The following SLC22A9 variants were observed in gnomAD, a reference collection of about 807,000 sequenced individuals.
SLC22A9 encodes the protein solute carrier family 22 member 9.
SLC22A9 carries 64 observed loss-of-function variants against 50.1 expected under a neutral mutation model. That is an observed-to-expected ratio of 1.28 (90% CI 1.04 to 1.57). The LOEUF (loss-of-function observed/expected upper bound fraction) is 1.57. Among genes scored for constraint, SLC22A9 ranks in the 40% most tolerant of loss-of-function variants. The pLI, the probability that SLC22A9 is intolerant of heterozygous loss-of-function variation, is 0.00. For synonymous variants in SLC22A9, 261 were observed against 242.5 expected (o/e 1.08, Z -0.71); for missense variants, 757 against 676.1 (o/e 1.12, Z -1.33).
At position 63,382,272 on chromosome 11, in the gene SLC22A9, T is replaced by C; in HGVS notation, c.1068T>C (p.Phe356=). Residue 356 remains phenylalanine, a synonymous_variant, in exon 6 of 10, where the codon TTT becomes TTC. Transcript: ENST00000279178. The stretch of plus-strand genomic sequence containing the variant: ...GTAAAAGGATCTCCCTCCTGTCCTT[T>C]ACGAGGTAAGCTTCATGCAGTGTTT... ...NICKRISLLS[F]TRFANFMAYF... The C allele has an allele frequency of 6.2e-7, 1 of 1,603,728 alleles. No individual in the cohort carries two copies. The highest frequency in any genetic ancestry group is 8.5e-7 in the Non-Finnish European group (1 of 1,176,272).
chr11:63,378,370 T>C (rs1045874188), intron 5 of SLC22A9, among the ~76,000 whole-genome samples: 3 of 152,088 alleles, frequency 2.0e-5, no homozygotes, highest in Non-Finnish European at 4.4e-5. Flanking sequence ...CGAAGGAGCA[T>C]ACCTCAAAAT....
intron 6 of SLC22A9, among the ~76,000 whole-genome samples, chr11:63,391,242 G>A (rs1009318052): frequency 2.0e-5 from 3 of 151,974 alleles, no homozygotes; most frequent in Non-Finnish European, 4.4e-5. Context: ...CTTAACATAT[G>A]GTCTATCCTT....
At chr11:63,379,670 A>T (rs1002700149) in intron 5 of SLC22A9, among the ~76,000 whole-genome samples, 9 of 152,184 alleles carry the variant, frequency 5.9e-5, no homozygotes, top group African/African-American at 1.2e-4. Context: ...TGAACAAATT[A>T]AAAAAGAACA....
intron 6 of SLC22A9, among the ~76,000 whole-genome samples, chr11:63,388,412 T>C (rs2014706128): frequency 6.6e-6 from 1 of 152,092 alleles, no homozygotes; most frequent in African/African-American, 2.4e-5. Context: ...ATATGCTTTT[T>C]CAGCATCAGT....
intron 6 of SLC22A9, among the ~76,000 whole-genome samples, chr11:63,388,285 A>G (rs1374223784): frequency 6.6e-6 from 1 of 151,774 alleles, no homozygotes. Flanking sequence ...TCCATTCTGT[A>G]TGATACCAGC....
chr11:63,392,726 T>A (rs553569959), intron 6 of SLC22A9, among the ~76,000 whole-genome samples: 7 of 152,094 alleles, frequency 4.6e-5, no homozygotes, highest in Non-Finnish European at 8.8e-5. Flanking sequence ...CACTTACTGA[T>A]ATATTGTAGT....
intron 6 of SLC22A9, among the ~76,000 whole-genome samples, chr11:63,393,349 C>T (rs527307517): frequency 1.3e-5 from 2 of 152,244 alleles, no homozygotes; most frequent in South Asian, 4.1e-4. Flanking sequence ...TATCTGGAAA[C>T]TTTGCTGAAT....
intron 6 of SLC22A9, among the ~76,000 whole-genome samples, chr11:63,386,276 G>C (rs1405158279): frequency 6.6e-6 from 1 of 151,804 alleles, no homozygotes; most frequent in African/African-American, 2.4e-5. Context: ...TTCCTGCCAG[G>C]TTTTTATCCC....
chr11:63,370,362 T>C lies in SLC22A9; in HGVS notation c.306T>C (p.Asn102=), dbSNP rs751044701. 3 of 1,613,988 alleles carry C rather than the reference T, an allele frequency of 1.9e-6. No homozygotes were observed. The East Asian group carries it at 6.7e-5, about 36-fold the overall frequency. The change falls in exon 1 of 10, where the codon AAT becomes AAC. Residue 102 remains asparagine, a synonymous_variant. Transcript: ENST00000279178. The part of the protein sequence containing the change: ...VHPQWQLLHL[N]GTFPNTSDAD... ...CTCAGTGGCAGCTCCTTCACCTGAA[T>C]GGGACCTTCCCCAACACAAGTGACG... is the stretch of plus-strand genomic sequence containing the variant.
At position 63,408,105 on chromosome 11, in the gene SLC22A9, T is replaced by C; in HGVS notation, c.1289-7T>C. The C allele has an allele frequency of 6.2e-7, 1 of 1,612,022 alleles. No individual in the cohort carries two copies. The highest frequency in any genetic ancestry group is 8.5e-7 in the Non-Finnish European group (1 of 1,178,512). On this transcript the variant is annotated splice_polypyrimidine_tract_variant and splice_region_variant and intron_variant, in intron 7 of 9. Coordinates refer to ENST00000279178, the MANE Select transcript of SLC22A9 (RefSeq NM_080866.3). ...TTCCTGAGGCCTTGTGTTCTTCCTT[T>C]CTCCAGAAATGCAGACGCTGCGTGA...
chr11:63,397,495 T>C (rs1445804795), intron 6 of SLC22A9, among the ~76,000 whole-genome samples: 1 of 152,166 alleles, frequency 6.6e-6, no homozygotes, highest in African/African-American at 2.4e-5. Flanking sequence ...CACAGATGGG[T>C]CTATAGATGC....
At chr11:63,384,909 A>G (rs1324450526) in intron 6 of SLC22A9, among the ~76,000 whole-genome samples, 5 of 151,822 alleles carry the variant, frequency 3.3e-5, no homozygotes, top group African/African-American at 4.8e-5. Context: ...GCTTTTTTTC[A>G]TATGTTTGTT....
intron 6 of SLC22A9, among the ~76,000 whole-genome samples, chr11:63,385,486 T>C (rs2119923977): frequency 6.6e-6 from 1 of 152,234 alleles, no homozygotes; most frequent in Admixed American, 6.5e-5. Context: ...TGGTTTGTAG[T>C]TCACCTTGAA....
intron 5 of SLC22A9, among the ~76,000 whole-genome samples, chr11:63,380,318 C>G (rs938288475): frequency 1.3e-5 from 2 of 152,044 alleles, no homozygotes; most frequent in Non-Finnish European, 1.5e-5. Context: ...ACCATTCGAC[C>G]CAGCAATCTA....
chr11:63,382,123 C>T (rs370924588), intron 5 of SLC22A9, 36 bp from the exon 6 acceptor site: 2 of 1,540,602 alleles, frequency 1.3e-6, no homozygotes, highest in Admixed American at 3.6e-5. Context: ...TCTTTTCTGA[C>T]AACTGTACAG....
In SLC22A9 at chr11:63,375,723, A is replaced by G; in HGVS notation, c.909A>G (p.Ala303=). The change falls in exon 5 of 10, where the codon GCA becomes GCG. Residue 303 remains alanine (A), a synonymous_variant. Transcript: ENST00000279178. The stretch of plus-strand genomic sequence containing the variant: ...GCTTAAAGGAACTTAGAAAAGCTGC[A>G]CACAGGAGTGGAATGAAGAATGCCA... ...EEGLKELRKA[A]HRSGMKNARD... is the part of the protein sequence containing the mutation. The G allele has an allele frequency of 6.2e-7, 1 of 1,612,846 alleles. No individual in the cohort carries two copies.
chr11:63,388,912 C>A (rs940164306), intron 6 of SLC22A9, among the ~76,000 whole-genome samples: 1 of 151,882 alleles, frequency 6.6e-6, no homozygotes, highest in Admixed American at 6.6e-5. Flanking sequence ...GTATGCTATT[C>A]GTGTCTAGTA....
rs1156872119 is a variant in SLC22A9 at position 63,382,204 on chromosome 11, A to T, written c.1000A>T (p.Lys334Ter). Residue 334 changes from lysine (K) to a stop codon, truncating the protein, a stop_gained, in exon 6 of 10, where the codon AAA becomes TAA. Transcript: ENST00000279178. LOFTEE classifies it high-confidence loss of function. ...AAAAGAACTGGAGGCAGCACAAAAAAAAAAACCTTCTCTGTGTGAAATGCT... is the reference window on the plus strand; with the variant it reads ...AAAAGAACTGGAGGCAGCACAAAAATAAAAACCTTCTCTGTGTGAAATGCT... ...MKKELEAAQK[K>*]KPSLCEMLHM... 5.0e-6 allele frequency: 8 copies of T among 1,610,098 alleles called. No homozygotes were observed. The highest frequency in any genetic ancestry group is 5.9e-6 in the Non-Finnish European group (7 of 1,178,864).
chr11:63,401,031 C>T (rs1182415222), intron 6 of SLC22A9, among the ~76,000 whole-genome samples: 1 of 151,864 alleles, frequency 6.6e-6, no homozygotes, highest in Non-Finnish European at 1.5e-5. Flanking sequence ...TGTAACAAAC[C>T]CACAGCTAAC....
Sources: allele counts gnomAD v4.1 joint callset (sites outside exome capture counted in the v4.1 genomes callset), GRCh38; gene constraint gnomAD v4.1.1; transcripts MANE v1.5; gene names NCBI Gene and HGNC (gene_info 2026-07-23, HGNC 2026-07-21).